STON1: variants seen among roughly 807,000 people sequenced by gnomAD.
STON1 encodes stonin-1.
In STON1, 79 loss-of-function variants were observed where a neutral mutation model predicts 60.9. The ratio of observed to expected loss-of-function variants is 1.30; its 90% CI spans 1.08 to 1.56. The LOEUF (loss-of-function observed/expected upper bound fraction) is 1.56. Ranked by LOEUF, STON1 falls within the 40% of genes most tolerant of loss-of-function variation. The pLI is 0.00. For synonymous variants in STON1, 363 were observed against 306.9 expected, an observed-to-expected ratio of 1.18 and a Z score of -1.91; for missense variants, 1,166 against 858.9, an observed-to-expected ratio of 1.36 and a Z score of -4.47.
chr2:48,581,834 C>T lies in STON1; in HGVS notation c.1201C>T (p.Pro401Ser), dbSNP rs982006456. ...TGTGGAGGAGGAGCTGATGAAGTTG[C>T]CAGCTGTTTCAAAACCAAAAAAGAA... ...TTVEEELMKLPAVSKPKKNYE... is the reference protein window; with the variant it reads ...TTVEEELMKLSAVSKPKKNYE... Residue 401 changes from proline to serine, a missense_variant, in exon 2 of 4, where the codon CCA becomes TCA. Transcript: ENST00000404752. The T allele has an allele frequency of 4.3e-6, 7 of 1,614,006 alleles. No homozygotes were observed. Among genetic ancestry groups the T allele is most frequent in the Non-Finnish European group, 5.1e-6 (6 of 1,180,048 alleles).
Position 48,581,597 on chromosome 2 carries a change from A to T in STON1, c.964A>T (p.Ile322Leu). The T allele has an allele frequency of 6.2e-7, 1 of 1,614,212 alleles. No individual in the cohort carries two copies. The highest frequency in any genetic ancestry group is 1.3e-5 in the African/African-American group (1 of 75,046). The change falls in exon 2 of 4, where the codon ATA becomes TTA. Residue 322 changes from isoleucine to leucine, a missense_variant. Physicochemically the swap from Ile to Leu is conservative, Grantham distance 5. Transcript: ENST00000404752. ...EQGLEKPFKE[I>L]QLDPYCRLSE... ...GGGATTAGAAAAACCATTTAAAGAGATACAGCTTGATCCATATTGTAGGCT... is the reference window on the plus strand; with the variant it reads ...GGGATTAGAAAAACCATTTAAAGAGTTACAGCTTGATCCATATTGTAGGCT...
At chr2:48,571,875 G>C (rs1017846218) in intron 1 of STON1, among the ~76,000 whole-genome samples, 3 of 152,080 alleles carry the variant, frequency 2.0e-5, no homozygotes, top group Non-Finnish European at 4.4e-5. Flanking sequence ...GTGTAAAAAG[G>C]ATTGATAGGC....
rs1188961737 is a variant in STON1 at position 48,597,448 on chromosome 2, C to T, written c.*2146C>T. Reference sequence around the variant, plus strand: ...ATCCTGCCCACAAAGAACTCACAGTCTGATTAGGATGAACTTAATGACTAT... The same window carrying T: ...ATCCTGCCCACAAAGAACTCACAGTTTGATTAGGATGAACTTAATGACTAT... On this transcript the variant is annotated 3_prime_UTR_variant, in exon 4 of 4. Coordinates refer to ENST00000404752, the MANE Select transcript of STON1 (RefSeq NM_006873.4). 1 of 152,182 alleles carries T rather than the reference C, an allele frequency of 6.6e-6. No individual in the cohort carries two copies. The highest frequency in any genetic ancestry group is 2.4e-5 in the African/African-American group (1 of 41,426). 9.4% of individuals were successfully genotyped at this position (152,182 alleles called of 1,614,324 possible).
intron 1 of STON1, among the ~76,000 whole-genome samples, chr2:48,535,834 C>T (rs935322005): frequency 1.3e-5 from 2 of 152,166 alleles, no homozygotes; most frequent in African/African-American, 4.8e-5. Flanking sequence ...TGCCTGTAAT[C>T]CCAGCACTTT....
intron 1 of STON1, among the ~76,000 whole-genome samples, chr2:48,560,696 C>A (rs150703824): frequency 1.3e-5 from 2 of 152,298 alleles, no homozygotes; most frequent in East Asian, 1.9e-4. Context: ...ACCCAGGAAA[C>A]AACACAGCTC....
intron 3 of STON1, among the ~76,000 whole-genome samples, chr2:48,592,678 C>G (rs111990857): frequency 0.019 from 2,899 of 151,472 alleles, 99 homozygotes; most frequent in African/African-American, 0.065. Flanking sequence ...CCAGGCTGGT[C>G]TCAAACTCCC....
At position 48,564,479 on chromosome 2, in the gene STON1, CTTTCTTCTTCTTCTTCTTCTT is replaced by C. The variant is rs1672785784; in HGVS notation, c.-47-16107_-47-16087del. 1.6e-4 allele frequency among the ~76,000 whole-genome samples: 4 copies of C among 25,180 alleles called. 1 individual carries two copies. Among genetic ancestry groups the C allele is most frequent in the African/African-American group, 5.8e-4 (4 of 6,916 alleles). 16.5% of individuals were successfully genotyped at this position (25,180 alleles called of 152,430 possible). ...TCTTCTTCTTCTTCTTCTTCTTCTT[CTTTCTTCTTCTTCTTCTTCTT>C]CTTCTTCTTCTTCTTCTTCTTCTTC... On this transcript the variant is annotated intron_variant, in intron 1 of 3. Coordinates refer to ENST00000404752, the MANE Select transcript of STON1 (RefSeq NM_006873.4).
chr2:48,579,134 G>C lies in STON1; in HGVS notation c.-47-1453G>C, dbSNP rs545006516. Among the ~76,000 whole-genome samples the C allele has an allele frequency of 2.2e-4, 33 of 151,638 alleles. No homozygotes were observed. The South Asian group carries it at 6.7e-3, about 31-fold the overall frequency. On this transcript the variant is annotated intron_variant, in intron 1 of 3. Transcript: ENST00000404752. ...TTTTCCTGCCTCAGCCTCCTGAGTAGCTGGGATTACAAGTGTGTGCCACCA... is the reference window on the plus strand; with the variant it reads ...TTTTCCTGCCTCAGCCTCCTGAGTACCTGGGATTACAAGTGTGTGCCACCA...
chr2:48,564,478 T>C (rs1572952612), intron 1 of STON1, among the ~76,000 whole-genome samples: 2 of 47,448 alleles, frequency 4.2e-5, no homozygotes, highest in African/African-American at 8.2e-5. Context: ...TTCTTCTTCT[T>C]CTTTCTTCTT....
intron 2 of STON1, 136 bp downstream of exon 2, chr2:48,582,699 C>A: frequency 7.1e-7 from 1 of 1,399,308 alleles, no homozygotes; most frequent in Non-Finnish European, 9.5e-7. Flanking sequence ...GGAGATGGAA[C>A]ATTTAGCTAA....
intron 1 of STON1, among the ~76,000 whole-genome samples, chr2:48,555,332 C>A (rs1672289485): frequency 5.1e-5 from 3 of 59,226 alleles, no homozygotes; most frequent in Admixed American, 1.5e-4. Flanking sequence ...TGACCCCCCC[C>A]ACCTCCCTCC....
intron 2 of STON1, among the ~76,000 whole-genome samples, chr2:48,584,000 C>T (rs780008516): frequency 2.6e-5 from 4 of 152,194 alleles, no homozygotes; most frequent in Non-Finnish European, 4.4e-5. Flanking sequence ...CCTCCCACCT[C>T]GGCCTCCCAT....
intron 1 of STON1, among the ~76,000 whole-genome samples, chr2:48,572,198 CA>C (rs1314473370): frequency 6.6e-6 from 1 of 152,016 alleles, no homozygotes; most frequent in African/African-American, 2.4e-5. Context: ...AGGAAGATAG[CA>C]AGAGATTGAA....
rs1558604320 is a variant in STON1, at chr2:48,564,458, CTTCTTCTTCTTCTTCTTCTTCT to C, written c.-47-16105_-47-16084del. Among the ~76,000 whole-genome samples the C allele has an allele frequency of 1.8e-4, 10 of 54,298 alleles. 1 individual carries two copies. Among genetic ancestry groups the C allele is most frequent in the African/African-American group, 6.3e-4 (9 of 14,358 alleles). 35.6% of individuals were successfully genotyped at this position (54,298 alleles called of 152,430 possible). A position where few individuals can be genotyped will look rare whatever the true frequency, so the allele number is the denominator to read the frequency against. On this transcript the variant is annotated intron_variant, in intron 1 of 3. Transcript: ENST00000404752. ...TCTTCTTCTTCTTCTTCTTCTTCTT[CTTCTTCTTCTTCTTCTTCTTCT>C]TTCTTCTTCTTCTTCTTCTTCTTCT...
chr2:48,589,540 A>G (rs565239319), intron 2 of STON1, among the ~76,000 whole-genome samples: 2 of 152,378 alleles, frequency 1.3e-5, no homozygotes, highest in East Asian at 3.9e-4. Context: ...TAAACATTGT[A>G]GAGCATTTAG....
chr2:48,588,082 G>A (rs1674315351), intron 2 of STON1, among the ~76,000 whole-genome samples: 1 of 152,194 alleles, frequency 6.6e-6, no homozygotes, highest in Non-Finnish European at 1.5e-5. Flanking sequence ...CTAAGGCAGT[G>A]CTTCTCAAAC....
chr2:48,579,470 C>G (rs529061678), intron 1 of STON1, among the ~76,000 whole-genome samples: 3 of 152,066 alleles, frequency 2.0e-5, no homozygotes, highest in Admixed American at 1.3e-4. Flanking sequence ...TTTTATTTCT[C>G]CTTTGATCCA....
chr2:48,573,447 T>C (rs1337280590), intron 1 of STON1, among the ~76,000 whole-genome samples: 2 of 152,128 alleles, frequency 1.3e-5, no homozygotes, highest in African/African-American at 4.8e-5. Flanking sequence ...CACTTTGGAG[T>C]TGGAAAGGAC....
chr2:48,583,919 T>G (rs1369279847), intron 2 of STON1, among the ~76,000 whole-genome samples: 1 of 151,816 alleles, frequency 6.6e-6, no homozygotes, highest in Non-Finnish European at 1.5e-5. Flanking sequence ...GCCTGGCTAA[T>G]TTTTGTATTT....
Sources: allele counts gnomAD v4.1 joint callset (sites outside exome capture counted in the v4.1 genomes callset), GRCh38; gene constraint gnomAD v4.1.1; transcripts MANE v1.5; gene names NCBI Gene and HGNC (gene_info 2026-07-23, HGNC 2026-07-21).